ADCY9: variants seen among roughly 807,000 people sequenced by gnomAD.
The protein encoded by ADCY9 is adenylate cyclase 9.
In ADCY9, 50 loss-of-function variants were observed where a neutral mutation model predicts 101.5. The ratio of observed to expected loss-of-function variants is 0.49; its 90% CI spans 0.39 to 0.62. The LOEUF (loss-of-function observed/expected upper bound fraction) is 0.62. ADCY9 is among the 20% of genes least tolerant of loss of function. ADCY9 has a pLI of 0.00. For missense variants in ADCY9, 1,662 were observed against 1,800.4 expected (o/e 0.92, Z 1.39); for synonymous variants, 905 against 769.3 (o/e 1.18, Z -2.92).
Position 3,963,496 on chromosome 16 carries a change from G to C in ADCY9, c.*2279C>G, listed in dbSNP as rs918339899. 7 of 391,276 alleles carry C rather than the reference G, an allele frequency of 1.8e-5. No individual in the cohort carries two copies. The highest frequency in any genetic ancestry group is 8.3e-5 in the African/African-American group (4 of 48,304). The allele number at this position is 391,276 out of a possible 1,614,324, so 24.2% of individuals were successfully genotyped here. On this transcript the variant is annotated 3_prime_UTR_variant, in exon 11 of 11. Transcript: ENST00000294016. Reference sequence around the variant, plus strand: ...GCACTGGCTGTTTAGGAAGGCTCAGGGTGTTTGAAAGACAACGTTAAGCTC... The same window carrying C: ...GCACTGGCTGTTTAGGAAGGCTCAGCGTGTTTGAAAGACAACGTTAAGCTC...
intron 2 of ADCY9, among the ~76,000 whole-genome samples, chr16:4,072,218 G>A (rs1425990708): frequency 6.6e-6 from 1 of 152,188 alleles, no homozygotes; most frequent in Non-Finnish European, 1.5e-5. Flanking sequence ...GAAGGAAGAA[G>A]AGGGCATGTG....
At chr16:4,042,877 T>G (rs1441085659) in intron 2 of ADCY9, among the ~76,000 whole-genome samples, 1 of 152,202 alleles carries the variant, frequency 6.6e-6, no homozygotes, top group African/African-American at 2.4e-5. Flanking sequence ...ACTGTATGAT[T>G]TGGGCAAGTT....
intron 2 of ADCY9, among the ~76,000 whole-genome samples, chr16:4,077,277 C>T (rs1361798134): frequency 2.6e-5 from 4 of 152,216 alleles, no homozygotes; most frequent in East Asian, 1.9e-4. Context: ...TGTCCCCCCC[C>T]GAGGACACTT....
At chr16:4,003,432 A>G (rs1160661799) in intron 3 of ADCY9, among the ~76,000 whole-genome samples, 3 of 152,164 alleles carry the variant, frequency 2.0e-5, no homozygotes, top group Non-Finnish European at 4.4e-5. Flanking sequence ...GCTTCTTCTC[A>G]GCCCTGGCGT....
At chr16:3,979,350 C>T (rs552019880) in intron 7 of ADCY9, 75 bp from the exon 8 acceptor site, 16 of 1,532,216 alleles carry the variant, frequency 1.0e-5, no homozygotes, top group African/African-American at 6.8e-5. Context: ...GGTGCGAGGC[C>T]GCAGCCAGCG....
intron 8 of ADCY9, among the ~76,000 whole-genome samples, chr16:3,978,172 C>T (rs925242597): frequency 2.0e-5 from 3 of 152,192 alleles, no homozygotes; most frequent in Non-Finnish European, 4.4e-5. Flanking sequence ...CACATGGCAT[C>T]ACACTCTTCT....
At chr16:4,020,933 C>A (rs2056472303) in intron 2 of ADCY9, among the ~76,000 whole-genome samples, 2 of 151,352 alleles carry the variant, frequency 1.3e-5, no homozygotes, top group South Asian at 2.1e-4. Context: ...TGAACGTTTT[C>A]AAAAAAAACC....
chr16:4,025,403 T>G (rs1597173700), intron 2 of ADCY9, among the ~76,000 whole-genome samples: 1 of 146,900 alleles, frequency 6.8e-6, no homozygotes, highest in Non-Finnish European at 1.5e-5. Flanking sequence ...AGTGGATCAC[T>G]GTGAACGCTG....
rs760849601 is a variant in ADCY9, at chr16:3,966,668, C to T, written c.3169G>A (p.Gly1057Arg). The T allele has an allele frequency of 7.4e-6, 12 of 1,614,140 alleles. No individual in the cohort carries two copies. Among genetic ancestry groups the T allele is most frequent in the Non-Finnish European group, 9.3e-6 (11 of 1,180,032 alleles). Residue 1057 changes from glycine (G) to arginine (R), a missense_variant, in exon 11 of 11, where the codon GGA becomes AGA. This residue lies in a region of ADCY9 where 220 missense variants were observed against 312.9 expected (regional missense o/e 0.70). Coordinates refer to ENST00000294016, the MANE Select transcript of ADCY9 (RefSeq NM_001116.4). ...SQTYSKNHDSGGVIFASIVNF... is the reference protein window; with the variant it reads ...SQTYSKNHDSRGVIFASIVNF... ...ACGATGCTGGCGAAGATCACCCCTC[C>T]GCTGTCATGGTTCTTGGAGTAGGTC... is the stretch of plus-strand genomic sequence containing the variant.
At chr16:4,030,384 C>A (rs60168634) in intron 2 of ADCY9, among the ~76,000 whole-genome samples, 3,169 of 152,190 alleles carry the variant, frequency 0.021, 118 homozygotes, top group African/African-American at 0.071. Context: ...AAACTTTACA[C>A]TGAGTGACAG....
intron 2 of ADCY9, among the ~76,000 whole-genome samples, chr16:4,060,902 A>G (rs1016070080): frequency 6.6e-6 from 1 of 152,202 alleles, no homozygotes; most frequent in Non-Finnish European, 1.5e-5. Context: ...ATTGGACTTA[A>G]CAAAGATTTC....
At chr16:4,113,559 C>T (rs1239389967) in intron 2 of ADCY9, among the ~76,000 whole-genome samples, 191 bp downstream of exon 2, 2 of 152,180 alleles carry the variant, frequency 1.3e-5, no homozygotes, top group African/African-American at 4.8e-5. Flanking sequence ...GCGTCCCTTT[C>T]TGCAGTGTGA....
At chr16:4,102,475 G>C (rs1001481151) in intron 2 of ADCY9, among the ~76,000 whole-genome samples, 3 of 152,282 alleles carry the variant, frequency 2.0e-5, no homozygotes, top group African/African-American at 2.4e-5. Flanking sequence ...GCCCAGGCTA[G>C]AGAGCAGTGG....
intron 2 of ADCY9, among the ~76,000 whole-genome samples, chr16:4,097,554 T>TA (rs1491239469): frequency 0.026 from 633 of 24,016 alleles, 25 homozygotes; most frequent in African/African-American, 0.1. Flanking sequence ...TATATATATA[T>TA]TTTTTTTTTT....
In ADCY9 at chr16:3,966,653, C is replaced by T. The variant is rs72556390; in HGVS notation, c.3184G>A (p.Ala1062Thr). 5.0e-6 allele frequency: 8 copies of T among 1,614,018 alleles called. No individual in the cohort carries two copies. The highest frequency in any genetic ancestry group is 1.3e-5 in the African/African-American group (1 of 74,908). ...KNHDSGGVIF[A>T]SIVNFSEFYE... ...AACTCGCTGAAGTTGACGATGCTGG[C>T]GAAGATCACCCCTCCGCTGTCATGG... The change falls in exon 11 of 11, where the codon GCC becomes ACC. Residue 1062 changes from alanine (A) to threonine (T), a missense_variant. Physicochemically the swap from Ala to Thr is moderately conservative, Grantham distance 58 (BLOSUM62 0). Coordinates refer to ENST00000294016, the MANE Select transcript of ADCY9 (RefSeq NM_001116.4).
intron 3 of ADCY9, among the ~76,000 whole-genome samples, chr16:3,996,096 C>T (rs1396620150): frequency 6.6e-6 from 1 of 152,154 alleles, no homozygotes; most frequent in Non-Finnish European, 1.5e-5. Context: ...TGTGCTGGCT[C>T]ACACCTGTAA....
intron 2 of ADCY9, among the ~76,000 whole-genome samples, chr16:4,098,033 A>G (rs2057019339): frequency 6.6e-6 from 1 of 152,096 alleles, no homozygotes; most frequent in Non-Finnish European, 1.5e-5. Context: ...ATATGATGCA[A>G]GCTGGAAAAG....
chr16:4,039,334 T>G (rs1161885777), intron 2 of ADCY9, among the ~76,000 whole-genome samples: 1 of 152,226 alleles, frequency 6.6e-6, no homozygotes, highest in Non-Finnish European at 1.5e-5. Context: ...TGCTACTGTT[T>G]TAATTCTTGT....
At position 4,114,126 on chromosome 16, in the gene ADCY9, G is replaced by A. The variant is rs1399851860; in HGVS notation, c.1317C>T (p.Ser439=). Reference sequence around the variant, plus strand: ...CGCAGTAGTAACAGTCTCCCAGGGTGCTGATTTTCTCACACTTGGTCTCCT... The same window carrying A: ...CGCAGTAGTAACAGTCTCCCAGGGTACTGATTTTCTCACACTTGGTCTCCT... ...LCEETKCEKI[S]TLGDCYYCVA... is the part of the protein sequence containing the mutation. The change falls in exon 2 of 11, where the codon AGC becomes AGT. Residue 439 remains serine (S), a synonymous_variant. Coordinates refer to ENST00000294016, the MANE Select transcript of ADCY9 (RefSeq NM_001116.4). The surrounding 1 kb of genome is among the most constrained non-coding windows in gnomAD (Gnocchi z 4.3). 4.3e-6 allele frequency: 7 copies of A among 1,613,734 alleles called. No individual in the cohort carries two copies. The highest frequency in any genetic ancestry group is 1.3e-5 in the African/African-American group (1 of 74,912).
Sources: gnomAD v4.1 joint callset for allele counts (sites outside exome capture counted in the v4.1 genomes callset) on GRCh38, gnomAD v4.1.1 for gene constraint, gnomAD v4.1.1 regional missense constraint, Gnocchi (gnomAD v3.1) non-coding constraint, MANE v1.5 for transcripts, NCBI Gene and HGNC (gene_info 2026-07-23, HGNC 2026-07-21) for gene names.